The following HEATR5A variants were observed in gnomAD, a reference collection of about 807,000 sequenced individuals.
HEATR5A encodes HEAT repeat-containing protein 5A.
A neutral mutation model predicts 218.8 loss-of-function variants in HEATR5A; 178 were observed. The observed-to-expected ratio is 0.81, with a 90% CI of 0.72 to 0.92. HEATR5A has a LOEUF of 0.92. Ranked by LOEUF, HEATR5A falls within the 40% of genes least tolerant of loss-of-function variation. The pLI is 0.00. For synonymous variants in HEATR5A, 864 were observed against 871.6 expected, an observed-to-expected ratio of 0.99 and a Z score of 0.15; for missense variants, 2,420 against 2,418.9, an observed-to-expected ratio of 1.00 and a Z score of -0.01.
At chr14:31,413,814 T>A (rs1246994619) in intron 1 of HEATR5A, among the ~76,000 whole-genome samples, 1 of 152,232 alleles carries the variant, frequency 6.6e-6, no homozygotes, top group African/African-American at 2.4e-5. Context: ...CATGTCTGTC[T>A]GTCTAAACGT....
At chr14:31,380,818 G>C (rs2029948465) in intron 10 of HEATR5A, among the ~76,000 whole-genome samples, 1 of 152,294 alleles carries the variant, frequency 6.6e-6, no homozygotes, top group Admixed American at 6.5e-5. Context: ...ATTTTTTGTA[G>C]AACACATGTG....
At chr14:31,415,012 G>GT (rs1338805676) in intron 1 of HEATR5A, among the ~76,000 whole-genome samples, 1 of 152,070 alleles carries the variant, frequency 6.6e-6, no homozygotes, top group Non-Finnish European at 1.5e-5. Flanking sequence ...GCTAATTTTT[G>GT]TATCTTTAGT....
At chr14:31,322,937 G>A (rs985059743) in intron 24 of HEATR5A, among the ~76,000 whole-genome samples, 1 of 151,316 alleles carries the variant, frequency 6.6e-6, no homozygotes, top group Non-Finnish European at 1.5e-5. Context: ...AAATAATACA[G>A]TTAAACAGTA....
At chr14:31,417,165 A>C (rs1303566452) in intron 1 of HEATR5A, among the ~76,000 whole-genome samples, 2 of 152,196 alleles carry the variant, frequency 1.3e-5, no homozygotes, top group Non-Finnish European at 2.9e-5. Context: ...AAAAGAGAGA[A>C]GTTTACTAAA....
intron 6 of HEATR5A, among the ~76,000 whole-genome samples, chr14:31,392,120 A>G (rs189378698): frequency 1.7e-4 from 26 of 152,260 alleles, no homozygotes; most frequent in Non-Finnish European, 3.4e-4. Context: ...TTTCCTCCAA[A>G]TTTTTGACAG....
At chr14:31,403,370 A>G (rs1270847959) in intron 1 of HEATR5A, among the ~76,000 whole-genome samples, 1 of 152,200 alleles carries the variant, frequency 6.6e-6, no homozygotes, top group Non-Finnish European at 1.5e-5. Flanking sequence ...TTTTCTTTGT[A>G]GTTTAAGTAA....
At chr14:31,381,044 C>T (rs1282730936) in intron 10 of HEATR5A, among the ~76,000 whole-genome samples, 4 of 151,920 alleles carry the variant, frequency 2.6e-5, no homozygotes, top group South Asian at 2.1e-4. Context: ...GTCAGGAGAT[C>T]GAGACCATCC....
chr14:31,301,556 T>C (rs947368393), intron 33 of HEATR5A, among the ~76,000 whole-genome samples: 1 of 152,190 alleles, frequency 6.6e-6, no homozygotes, highest in Non-Finnish European at 1.5e-5. Context: ...CCTTATTTAT[T>C]ACTCACTACA....
chr14:31,328,456 A>G (rs1357969478), intron 22 of HEATR5A, among the ~76,000 whole-genome samples: 1 of 152,076 alleles, frequency 6.6e-6, no homozygotes, highest in Non-Finnish European at 1.5e-5. Flanking sequence ...ATGACTAGGG[A>G]AATGTGTGTG....
rs1173864591 is a variant in HEATR5A at position 31,403,056 on chromosome 14, T to C, written c.-74-7A>G. ...TATACCTAACAATAAAAATCTGCAA[T>C]ACAGGAAAATAATGTATTTTAAAAG... On this transcript the variant is annotated splice_region_variant and splice_polypyrimidine_tract_variant and intron_variant, in intron 1 of 35. Transcript: ENST00000543095. 1 of 1,270,172 alleles carries C rather than the reference T, an allele frequency of 7.9e-7. No homozygotes were observed. Among genetic ancestry groups the C allele is most frequent in the Admixed American group, 2.7e-5 (1 of 37,550 alleles). The allele number at this position is 1,270,172 out of a possible 1,614,324, so 78.7% of individuals were successfully genotyped here.
chr14:31,399,112 G>A (rs771081343), intron 3 of HEATR5A, among the ~76,000 whole-genome samples: 1 of 152,174 alleles, frequency 6.6e-6, no homozygotes, highest in Non-Finnish European at 1.5e-5. Flanking sequence ...TATACATGGT[G>A]TAACAGAAGA....
At chr14:31,399,139 T>C (rs1012291776) in intron 3 of HEATR5A, among the ~76,000 whole-genome samples, 3 of 152,232 alleles carry the variant, frequency 2.0e-5, no homozygotes, top group African/African-American at 7.2e-5. Context: ...ATTCATTCTT[T>C]TGCATGTGGA....
At chr14:31,409,094 C>T (rs1362687068) in intron 1 of HEATR5A, among the ~76,000 whole-genome samples, 2 of 140,200 alleles carry the variant, frequency 1.4e-5, no homozygotes, top group Non-Finnish European at 3.1e-5. Context: ...GTTGCCCAGG[C>T]TGGAGTGCAA....
At chr14:31,386,301 A>C (rs1401196348) in intron 9 of HEATR5A, 119 bp downstream of exon 9, 1 of 722,294 alleles carries the variant, frequency 1.4e-6, no homozygotes, top group Non-Finnish European at 2.1e-6. Context: ...TAAATTTTTC[A>C]TAAAACATTT....
At chr14:31,346,401 A>G (rs60154988) in intron 19 of HEATR5A, among the ~76,000 whole-genome samples, 2 of 152,190 alleles carry the variant, frequency 1.3e-5, no homozygotes, top group African/African-American at 4.8e-5. Flanking sequence ...GAAGTGGAGG[A>G]GGCGAGTAGT....
chr14:31,391,248 T>C (rs1335261599), intron 6 of HEATR5A, among the ~76,000 whole-genome samples: 1 of 152,174 alleles, frequency 6.6e-6, no homozygotes. Context: ...GTGATTCTCA[T>C]GCCTCAGCCT....
At chr14:31,408,931 A>G (rs2139318967) in intron 1 of HEATR5A, among the ~76,000 whole-genome samples, 1 of 48,774 alleles carries the variant, frequency 2.1e-5, no homozygotes, top group Non-Finnish European at 4.3e-5. Context: ...CTCTACTAAA[A>G]ATACAAAAAA....
In HEATR5A at chr14:31,349,812, T is replaced by C; in HGVS notation, c.2685A>G (p.Gly895=). 1.2e-6 allele frequency: 2 copies of C among 1,612,642 alleles called. No homozygotes were observed. Among genetic ancestry groups the C allele is most frequent in the Non-Finnish European group, 1.7e-6 (2 of 1,178,882 alleles). The part of the protein sequence containing the change: ...QVVDDGAFTA[G]LAQVSFDKLK... ...ACTTGTCAAAGCTAACTTGAGCTAA[T>C]CCAGCAGTAAAAGCTCCATCATCTA... The change falls in exon 18 of 36, where the codon GGA becomes GGG. Residue 895 remains glycine (G), a synonymous_variant. Transcript: ENST00000543095.
At chr14:31,334,849 G>A (rs979426559) in intron 22 of HEATR5A, among the ~76,000 whole-genome samples, 4 of 151,476 alleles carry the variant, frequency 2.6e-5, no homozygotes, top group African/African-American at 9.7e-5. Flanking sequence ...GGGAGGCTGA[G>A]GCAGGAGAAT....
Sources: allele counts gnomAD v4.1 joint callset (sites outside exome capture counted in the v4.1 genomes callset), GRCh38; gene constraint gnomAD v4.1.1; transcripts MANE v1.5; gene names NCBI Gene and HGNC (gene_info 2026-07-23, HGNC 2026-07-21).